The following PPP1R13B variants were observed in gnomAD, a reference collection of about 807,000 sequenced individuals.
PPP1R13B encodes the protein apoptosis-stimulating of p53 protein 1.
A neutral mutation model predicts 119.8 loss-of-function variants in PPP1R13B; 44 were observed. That is an observed-to-expected ratio of 0.37 (90% CI 0.29 to 0.47). The LOEUF (loss-of-function observed/expected upper bound fraction) is 0.47, where lower values mean the gene tolerates loss of function less well. Among genes scored for constraint, PPP1R13B ranks in the 20% least tolerant of loss-of-function variants. The pLI is 0.99. For missense variants in PPP1R13B, 1,227 were observed against 1,413.5 expected, an observed-to-expected ratio of 0.87 and a Z score of 2.12; for synonymous variants, 542 against 561.5, an observed-to-expected ratio of 0.97 and a Z score of 0.49.
At chr14:103,827,090 C>T (rs932551256) in intron 1 of PPP1R13B, among the ~76,000 whole-genome samples, 1 of 151,788 alleles carries the variant, frequency 6.6e-6, no homozygotes, top group Non-Finnish European at 1.5e-5. Context: ...TTTGGGAGGC[C>T]GAGGCGGGTG....
At position 103,847,357 on chromosome 14, in the gene PPP1R13B, G is replaced by A. The variant is rs769563780; in HGVS notation, c.-50C>T. The A allele has an allele frequency of 3.9e-5, 45 of 1,155,226 alleles. No individual in the cohort carries two copies. The East Asian group carries it at 2.1e-3, about 55-fold the overall frequency. The allele number at this position is 1,155,226 out of a possible 1,614,324, so 71.6% of individuals were successfully genotyped here. On this transcript the variant is annotated 5_prime_UTR_variant, in exon 1 of 17. Transcript: ENST00000202556. ...CGGCCGCCGCCTGACAGGACGCTCC[G>A]CGCCGAGCTGTGCCCACCGCTCCGG...
In PPP1R13B at chr14:103,738,661, C is replaced by T. The variant is rs2084172511; in HGVS notation, c.2864+18G>A. 4 of 1,613,694 alleles carry T rather than the reference C, an allele frequency of 2.5e-6. No homozygotes were observed. The highest frequency in any genetic ancestry group is 3.4e-6 in the Non-Finnish European group (4 of 1,179,616). ...AGGGAAAGTAAATCTGTCCACCCCA[C>T]ACTCCTACGGGCCTCACCATCCATC... On this transcript the variant is annotated intron_variant, in intron 14 of 16. Coordinates refer to ENST00000202556, the MANE Select transcript of PPP1R13B (RefSeq NM_015316.3). The surrounding 1 kb of genome is among the most constrained non-coding windows in gnomAD (Gnocchi z 5.6).
Position 103,740,228 on chromosome 14 carries a change from A to C in PPP1R13B, c.2188T>G (p.Phe730Val). The change falls in exon 12 of 17, where the codon TTC (phenylalanine) becomes GTC (valine). Residue 730 changes from phenylalanine to valine, a missense_variant. By Grantham distance (50) the Phe-to-Val change is conservative. Transcript: ENST00000202556. The surrounding 1 kb of genome is among the most constrained non-coding windows in gnomAD (Gnocchi z 4.6). ...TCCATGCCACCGGCCAGGGTGTTGA[A>C]GCGCTGGTACAGCAGCTTCTGGATG... ...PNIQKLLYQRFNTLAGGMEGT... is the reference protein window; with the variant it reads ...PNIQKLLYQRVNTLAGGMEGT... 3.7e-6 allele frequency: 6 copies of C among 1,613,288 alleles called. No homozygotes were observed. Among genetic ancestry groups the C allele is most frequent in the Non-Finnish European group, 5.1e-6 (6 of 1,179,648 alleles).
intron 1 of PPP1R13B, among the ~76,000 whole-genome samples, chr14:103,831,951 C>T (rs1183307390): frequency 2.6e-5 from 4 of 151,706 alleles, no homozygotes; most frequent in Non-Finnish European, 5.9e-5. Flanking sequence ...AAAACAACAC[C>T]AAAAATTAGC....
At chr14:103,757,076 T>A (rs955476735) in intron 5 of PPP1R13B, among the ~76,000 whole-genome samples, 2 of 150,132 alleles carry the variant, frequency 1.3e-5, no homozygotes, top group African/African-American at 2.5e-5. Flanking sequence ...TTTTTTTTTT[T>A]AATACAGGGT....
chr14:103,794,534 GC>G (rs1269550485), intron 2 of PPP1R13B: 1 of 339,870 alleles, frequency 2.9e-6, no homozygotes, highest in Non-Finnish European at 5.8e-6. Flanking sequence ...CACCATGTTG[GC>G]CAGGCTGGTC....
At chr14:103,814,071 T>C (rs1402487862) in intron 1 of PPP1R13B, among the ~76,000 whole-genome samples, 1 of 152,200 alleles carries the variant, frequency 6.6e-6, no homozygotes, top group Non-Finnish European at 1.5e-5. Context: ...TTGTCCCAGA[T>C]GGGCGTGGTG....
intron 1 of PPP1R13B, among the ~76,000 whole-genome samples, chr14:103,833,597 C>G (rs572134988): frequency 3.3e-5 from 5 of 152,044 alleles, no homozygotes; most frequent in Admixed American, 6.6e-5. Flanking sequence ...GAGACAAGAT[C>G]GCACTACTGC....
chr14:103,810,527 A>C (rs1719509905), intron 1 of PPP1R13B, among the ~76,000 whole-genome samples: 1 of 151,870 alleles, frequency 6.6e-6, no homozygotes. Flanking sequence ...TAATCCCAGC[A>C]CTTTGGGAGG....
intron 4 of PPP1R13B, among the ~76,000 whole-genome samples, chr14:103,770,279 T>C (rs965424108): frequency 1.2e-4 from 19 of 152,140 alleles, no homozygotes; most frequent in African/African-American, 4.6e-4. Flanking sequence ...TTTGAGAGAC[T>C]GAGGCAGGAG....
intron 2 of PPP1R13B, among the ~76,000 whole-genome samples, chr14:103,787,650 A>T (rs1233210567): frequency 3.8e-4 from 43 of 113,632 alleles, no homozygotes; most frequent in African/African-American, 7.9e-4. Context: ...TAATTGCTAC[A>T]TTTTTTTTTT....
At chr14:103,844,451 C>T (rs561659362) in intron 1 of PPP1R13B, among the ~76,000 whole-genome samples, 9 of 151,910 alleles carry the variant, frequency 5.9e-5, no homozygotes, top group South Asian at 2.1e-4. Context: ...ACCACATGGC[C>T]GGGCGCAGTG....
In PPP1R13B at chr14:103,771,915, ACAAT is replaced by A. The variant is rs147050140; in HGVS notation, c.354+6826_354+6829del. ...CAAATGTATAAACTATGAAATCAGC[ACAAT>A]CAAGAAAATAAATCCATCCTCTCCC... is the stretch of plus-strand genomic sequence containing the variant. On this transcript the variant is annotated intron_variant, in intron 4 of 16. Coordinates refer to ENST00000202556, the MANE Select transcript of PPP1R13B (RefSeq NM_015316.3). 3.8e-3 allele frequency among the ~76,000 whole-genome samples: 576 copies of A among 152,334 alleles called. 5 individuals carry two copies. The highest frequency in any genetic ancestry group is 0.013 in the African/African-American group (550 of 41,572).
At chr14:103,824,039 C>CTTT (rs35194586) in intron 1 of PPP1R13B, among the ~76,000 whole-genome samples, 1,464 of 75,102 alleles carry the variant, frequency 0.019, 55 homozygotes, top group African/African-American at 0.049. Context: ...CTACCTCATC[C>CTTT]TTTTTTTTTT....
At chr14:103,781,564 T>G (rs10135720) in intron 3 of PPP1R13B, among the ~76,000 whole-genome samples, 19,940 of 152,240 alleles carry the variant, frequency 0.13, 1,989 homozygotes, top group African/African-American at 0.27. Context: ...GATTGTCCTT[T>G]TATTTGCTTG....
intron 5 of PPP1R13B, among the ~76,000 whole-genome samples, chr14:103,756,482 C>T (rs1320221579): frequency 6.6e-6 from 1 of 152,110 alleles, no homozygotes; most frequent in African/African-American, 2.4e-5. Context: ...ATGACTAAAC[C>T]ATTACTTAGA....
At chr14:103,764,944 G>A (rs541076979) in intron 4 of PPP1R13B, among the ~76,000 whole-genome samples, 3 of 152,132 alleles carry the variant, frequency 2.0e-5, no homozygotes, top group East Asian at 1.9e-4. Flanking sequence ...TCAATCTCCC[G>A]AGTAGCTGGG....
At position 103,734,796 on chromosome 14, in the gene PPP1R13B, G is replaced by A. The variant is rs10134157; in HGVS notation, c.*358C>T. On this transcript the variant is annotated 3_prime_UTR_variant, in exon 17 of 17. Coordinates refer to ENST00000202556, the MANE Select transcript of PPP1R13B (RefSeq NM_015316.3). ...CGGCGGACAGTGTTCACTGCTGGAGGGGGTGATGGCCTCGGGGCCAAGTCA... is the reference window on the plus strand; with the variant it reads ...CGGCGGACAGTGTTCACTGCTGGAGAGGGTGATGGCCTCGGGGCCAAGTCA... The A allele has an allele frequency of 2.6e-5, 12 of 460,728 alleles. No homozygotes were observed. The highest frequency in any genetic ancestry group is 3.9e-5 in the Non-Finnish European group (9 of 232,818). 28.5% of individuals were successfully genotyped at this position (460,728 alleles called of 1,614,324 possible). A position where few individuals can be genotyped will look rare whatever the true frequency, so the allele number is the denominator to read the frequency against.
intron 1 of PPP1R13B, among the ~76,000 whole-genome samples, chr14:103,839,627 C>CA (rs34211181): frequency 0.47 from 63,339 of 134,870 alleles, 14,287 homozygotes; most frequent in African/African-American, 0.54. Flanking sequence ...AACTCTGCCT[C>CA]AAAAAAAAAA....
Sources: allele counts gnomAD v4.1 joint callset (sites outside exome capture counted in the v4.1 genomes callset), GRCh38; gene constraint gnomAD v4.1.1; non-coding constraint Gnocchi (gnomAD v3.1); transcripts MANE v1.5; gene names NCBI Gene and HGNC (gene_info 2026-07-23, HGNC 2026-07-21).